Variants in KIF1C observed in about 807,000 individuals in gnomAD.
The protein encoded by KIF1C is kinesin family member 1C, also known as kinesin-like protein KIF1C.
Under a neutral mutation model 126.5 loss-of-function variants are expected in KIF1C, and 61 were observed. That is an observed-to-expected ratio of 0.48 (90% confidence interval 0.39 to 0.60). The LOEUF is 0.60. KIF1C is among the 20% of genes least tolerant of loss of function. KIF1C has a pLI of 0.00. For missense variants in KIF1C, 1,315 were observed against 1,489.2 expected (o/e 0.88, Z 1.93); for synonymous variants, 640 against 580.6 (o/e 1.10, Z -1.47).
chr17:5,023,219 C>T lies in KIF1C; in HGVS notation c.2629-249C>T, dbSNP rs1291983432. The stretch of plus-strand genomic sequence containing the variant: ...GTATTTTAGTAGAGACGGGGTTTCA[C>T]CATGTTGGCCAGGATGGTCTTGATC... On this transcript the variant is annotated intron_variant, in intron 22 of 22. Transcript: ENST00000320785. This position sits in a 1 kb window ranked among gnomAD's most constrained non-coding sequence, Gnocchi z 4.2. Among the ~76,000 whole-genome samples, 3 of 152,028 alleles carry T rather than the reference C, an allele frequency of 2.0e-5. No individual in the cohort carries two copies. The highest frequency in any genetic ancestry group is 4.4e-5 in the Non-Finnish European group (3 of 68,008).
At chr17:5,016,014 A>AG (rs1417871413) in intron 18 of KIF1C, among the ~76,000 whole-genome samples, 1 of 152,110 alleles carries the variant, frequency 6.6e-6, no homozygotes, top group Non-Finnish European at 1.5e-5. Flanking sequence ...GCAGGGAGGA[A>AG]GGACGTGGTA....
chr17:5,023,965 A>G lies in KIF1C; in HGVS notation c.3126A>G (p.Gly1042=). 6.3e-7 allele frequency: 1 copy of G among 1,581,056 alleles called. No individual in the cohort carries two copies. The highest frequency in any genetic ancestry group is 8.6e-7 in the Non-Finnish European group (1 of 1,162,794). ...NSLDGGGRSR[G]AGSAQPEPQH... Reference sequence around the variant, plus strand: ...TGGATGGAGGGGGCCGATCCCGGGGAGCGGGTTCTGCACAGCCTGAACCCC... The same window carrying G: ...TGGATGGAGGGGGCCGATCCCGGGGGGCGGGTTCTGCACAGCCTGAACCCC... The change falls in exon 23 of 23, where the codon GGA becomes GGG. Residue 1042 remains glycine, a synonymous_variant. Coordinates refer to ENST00000320785, the MANE Select transcript of KIF1C (RefSeq NM_006612.6). The surrounding 1 kb of genome is among the most constrained non-coding windows in gnomAD (Gnocchi z 4.2).
At chr17:5,002,441 T>A in intron 6 of KIF1C, 23 bp from the exon 7 acceptor site, 1 of 1,562,650 alleles carries the variant, frequency 6.4e-7, no homozygotes, top group Non-Finnish European at 8.7e-7. Flanking sequence ...TTTTGTTACT[T>A]CTCATTTGCT....
In KIF1C at chr17:5,020,406, T is replaced by C; in HGVS notation, c.1751-86T>C. The C allele has an allele frequency of 7.5e-7, 1 of 1,341,544 alleles. No homozygotes were observed. The highest frequency in any genetic ancestry group is 1.0e-6 in the Non-Finnish European group (1 of 977,946). The allele number at this position is 1,341,544 out of a possible 1,614,324, so 83.1% of individuals were successfully genotyped here. ...ATGAAGGGGAGGGTGTCACAGCCCC[T>C]GTGCCAGATTCTCTATGCCTTGGGT... On this transcript the variant is annotated intron_variant, in intron 19 of 22. Transcript: ENST00000320785. This position sits in a 1 kb window ranked among gnomAD's most constrained non-coding sequence, Gnocchi z 5.8.
chr17:5,014,839 T>A lies in KIF1C; in HGVS notation c.1666+2T>A. On this transcript the variant is annotated splice_donor_variant, in intron 18 of 22. Transcript: ENST00000320785. LOFTEE classifies it high-confidence loss of function. ...GCATCCCCCAGCCAGATGGAGAAGG[T>A]AATGGCTGAGGGGGTGAGAGAGGCC... is the stretch of plus-strand genomic sequence containing the variant. 6.3e-7 allele frequency: 1 copy of A among 1,582,176 alleles called. No homozygotes were observed. Among genetic ancestry groups the A allele is most frequent in the African/African-American group, 1.3e-5 (1 of 74,624 alleles).
rs543096465 is a variant in KIF1C, at chr17:5,007,253, A to T, written c.1336-10A>T. On this transcript the variant is annotated splice_polypyrimidine_tract_variant and intron_variant, in intron 14 of 22. Transcript: ENST00000320785. ...GACCATCCTGAAACCTACCCACCTT[A>T]CGCCCCCAGGAGACAGAGAAGATTA... The T allele has an allele frequency of 2.9e-4, 458 of 1,603,608 alleles. 8 individuals are homozygous for T. In the South Asian group the frequency reaches 4.8e-3, roughly 17 times the overall value.
intron 18 of KIF1C, among the ~76,000 whole-genome samples, chr17:5,016,294 C>T (rs1974971100): frequency 6.6e-6 from 1 of 152,078 alleles, no homozygotes; most frequent in South Asian, 2.1e-4. Context: ...TGCGCCACCA[C>T]ACCCGGCTAA....
intron 13 of KIF1C, 96 bp from the exon 14 acceptor site, chr17:5,006,819 C>A: frequency 7.8e-7 from 1 of 1,287,050 alleles, no homozygotes; most frequent in Non-Finnish European, 1.1e-6. Flanking sequence ...GTAGTCCTTA[C>A]AGACTGGTCC....
chr17:5,021,799 A>C (rs1975095566), intron 21 of KIF1C, among the ~76,000 whole-genome samples: 1 of 151,892 alleles, frequency 6.6e-6, no homozygotes, highest in African/African-American at 2.4e-5. Flanking sequence ...TAAGTCTTGC[A>C]CAAAGTTCCA....
At chr17:5,009,414 G>A (rs565099668) in intron 16 of KIF1C, among the ~76,000 whole-genome samples, 6 of 151,996 alleles carry the variant, frequency 3.9e-5, no homozygotes, top group African/African-American at 7.2e-5. Context: ...TTCTGACCTC[G>A]TGATCCACCC....
In KIF1C at chr17:5,024,273, G is replaced by C. The variant is rs189146305; in HGVS notation, c.*122G>C. On this transcript the variant is annotated 3_prime_UTR_variant, in exon 23 of 23. Coordinates refer to ENST00000320785, the MANE Select transcript of KIF1C (RefSeq NM_006612.6). ...GCCCAGGAGATGAGAGAGAAGGTCC[G>C]AGTAGGTGATAGAAGACAAGGGGGA... is the stretch of plus-strand genomic sequence containing the variant. The C allele has an allele frequency of 2.4e-5, 17 of 718,768 alleles. No individual in the cohort carries two copies. The highest frequency in any genetic ancestry group is 3.9e-5 in the Non-Finnish European group (17 of 434,482). The allele number at this position is 718,768 out of a possible 1,614,324, so 44.5% of individuals were successfully genotyped here. A position where few individuals can be genotyped will look rare whatever the true frequency, so the allele number is the denominator to read the frequency against.
chr17:4,999,628 T>C (rs1974521932), intron 1 of KIF1C, among the ~76,000 whole-genome samples: 1 of 152,146 alleles, frequency 6.6e-6, no homozygotes, highest in Admixed American at 6.6e-5. Flanking sequence ...CCTCTTTCTC[T>C]CTCTGTCCTC....
Position 5,001,438 on chromosome 17 carries a change from G to T in KIF1C, c.363+37G>T. 3 of 1,588,696 alleles carry T rather than the reference G, an allele frequency of 1.9e-6. No individual in the cohort carries two copies. In the South Asian group the frequency reaches 3.3e-5, roughly 18 times the overall value. On this transcript the variant is annotated intron_variant, in intron 5 of 22. Coordinates refer to ENST00000320785, the MANE Select transcript of KIF1C (RefSeq NM_006612.6). ...ACCTGGTGGGGCAGCCAGGGCAGGAGCATCTTTAGCTGCCCTCTGAGGAAG... is the reference window on the plus strand; with the variant it reads ...ACCTGGTGGGGCAGCCAGGGCAGGATCATCTTTAGCTGCCCTCTGAGGAAG...
Position 5,020,474 on chromosome 17 carries a change from CCCT to C in KIF1C, c.1751-12_1751-10del, listed in dbSNP as rs756711554. 3.4e-5 allele frequency: 54 copies of C among 1,592,864 alleles called. No individual in the cohort carries two copies. In the Middle Eastern group the frequency reaches 8.4e-4, roughly 25 times the overall value. ...GCTGATGGGAAGCGAGTTTACTTTT[CCCT>C]CCTCCCATCTCTAGGGAATAGGATT... On this transcript the variant is annotated splice_polypyrimidine_tract_variant and intron_variant, in intron 19 of 22. Coordinates refer to ENST00000320785, the MANE Select transcript of KIF1C (RefSeq NM_006612.6). The surrounding 1 kb of genome is among the most constrained non-coding windows in gnomAD (Gnocchi z 5.8).
rs570367142 is a variant in KIF1C, at chr17:5,024,093, C to G, written c.3254C>G (p.Pro1085Arg). 1.2e-6 allele frequency: 2 copies of G among 1,610,158 alleles called. No individual in the cohort carries two copies. Among genetic ancestry groups the G allele is most frequent in the South Asian group, 1.1e-5 (1 of 90,680 alleles). The change falls in exon 23 of 23, where the codon CCA becomes CGA. Residue 1085 changes from proline (P) to arginine (R), a missense_variant. Pro to Arg is a moderately radical substitution (Grantham distance 103). Coordinates refer to ENST00000320785, the MANE Select transcript of KIF1C (RefSeq NM_006612.6). ...CGCTACCCCCCATACACTACTCCCC[C>G]ACGAATGAGACGGCAGCGTTCTGCC... ...GPRYPPYTTP[P>R]RMRRQRSAPD...
chr17:5,003,110 T>C (rs1198917953), intron 8 of KIF1C, among the ~76,000 whole-genome samples: 1 of 151,788 alleles, frequency 6.6e-6, no homozygotes, highest in East Asian at 1.9e-4. Flanking sequence ...AGTGGTGCGA[T>C]GTCAGCTCAC....
chr17:4,999,422 C>T (rs921625386), intron 1 of KIF1C, among the ~76,000 whole-genome samples: 1 of 152,142 alleles, frequency 6.6e-6, no homozygotes, highest in African/African-American at 2.4e-5. Flanking sequence ...CTCTTTAACA[C>T]CGTGTGTTTG....
intron 16 of KIF1C, among the ~76,000 whole-genome samples, chr17:5,007,928 A>G (rs573600568): frequency 1.3e-4 from 20 of 152,374 alleles, no homozygotes; most frequent in Non-Finnish European, 2.2e-4. Flanking sequence ...TGAGCACTAC[A>G]TTGTAAGACA....
At chr17:5,021,661 TG>T (rs1322803454) in intron 21 of KIF1C, among the ~76,000 whole-genome samples, 1 of 152,064 alleles carries the variant, frequency 6.6e-6, no homozygotes, top group Non-Finnish European at 1.5e-5. Context: ...TTTTATTTTT[TG>T]TAGAGGTGGG....
Sources: gnomAD v4.1 joint callset for allele counts (sites outside exome capture counted in the v4.1 genomes callset) on GRCh38, gnomAD v4.1.1 for gene constraint, Gnocchi (gnomAD v3.1) non-coding constraint, MANE v1.5 for transcripts, NCBI Gene and HGNC (gene_info 2026-07-23, HGNC 2026-07-21) for gene names.